Variants in AGO3 observed in about 807,000 individuals in gnomAD.
AGO3 encodes the protein protein argonaute-3.
Under a neutral mutation model 105.5 loss-of-function variants are expected in AGO3, and 16 were observed. That is an observed-to-expected ratio of 0.15 (90% CI 0.10 to 0.23). AGO3 has a LOEUF of 0.23. Among genes scored for constraint, AGO3 ranks in the 10% least tolerant of loss-of-function variants. The pLI, the probability that AGO3 is intolerant of heterozygous loss-of-function variation, is 1.00. For synonymous variants in AGO3, 340 were observed against 367.3 expected (o/e 0.93, Z 0.85); for missense variants, 534 against 1,088.0 (o/e 0.49, Z 7.16).
Position 35,972,124 on chromosome 1 carries a change from A to T in AGO3, c.413A>T (p.Glu138Val). 6.2e-7 allele frequency: 1 copy of T among 1,614,146 alleles called. No homozygotes were observed. Among genetic ancestry groups the T allele is most frequent in the Non-Finnish European group, 8.5e-7 (1 of 1,180,010 alleles). The change falls in exon 4 of 19, where the codon GAA becomes GTA. Residue 138 changes from glutamate to valine, a missense_variant. Around this residue, in one of 2 missense-constraint regions of AGO3, gnomAD observed 161 missense variants for 234.0 expected, o/e 0.69. Transcript: ENST00000373191. ...CGGGTGAGTTGGCACCTACTGCATG[A>T]AGTACTGACAGGACGGACCTTGCCT... ...VSRVSWHLLH[E>V]VLTGRTLPEP...
At chr1:35,963,540 G>A (rs1038467543) in intron 2 of AGO3, among the ~76,000 whole-genome samples, 3 of 151,926 alleles carry the variant, frequency 2.0e-5, no homozygotes, top group African/African-American at 7.3e-5. Flanking sequence ...AAGAAAATCA[G>A]TTAGAAGAGG....
At chr1:36,044,107 G>C (rs1642361548) in intron 17 of AGO3, among the ~76,000 whole-genome samples, 1 of 152,212 alleles carries the variant, frequency 6.6e-6, no homozygotes, top group Admixed American at 6.5e-5. Flanking sequence ...CACTTTGGGA[G>C]GCTGAGATGG....
At chr1:36,013,549 A>G (rs1330170239) in intron 9 of AGO3, 81 bp from the exon 10 acceptor site, 15 of 1,541,726 alleles carry the variant, frequency 9.7e-6, no homozygotes, top group African/African-American at 4.1e-5. Flanking sequence ...CACAGTGAAG[A>G]AAAAAAAGAG....
chr1:36,013,595 T>A (rs1309852348), intron 9 of AGO3, 35 bp from the exon 10 acceptor site: 1 of 1,610,320 alleles, frequency 6.2e-7, no homozygotes, highest in Non-Finnish European at 8.5e-7. Flanking sequence ...TTTGGGGGAA[T>A]TTTGAGAGTA....
chr1:35,996,430 A>G (rs529609065), intron 5 of AGO3, among the ~76,000 whole-genome samples: 5 of 152,142 alleles, frequency 3.3e-5, no homozygotes, highest in African/African-American at 4.8e-5. Context: ...TACATAACTC[A>G]GTAAGAAATA....
chr1:36,001,335 G>A (rs1348378067), intron 5 of AGO3, among the ~76,000 whole-genome samples: 1 of 152,036 alleles, frequency 6.6e-6, no homozygotes, highest in East Asian at 1.9e-4. Flanking sequence ...ACACACACGT[G>A]CACAGGAACA....
intron 5 of AGO3, among the ~76,000 whole-genome samples, chr1:35,996,733 T>C (rs1285688785): frequency 1.3e-5 from 2 of 149,390 alleles, no homozygotes; most frequent in African/African-American, 5.0e-5. Flanking sequence ...ATTGCACCGT[T>C]GCACTCCAGC....
In AGO3 at chr1:35,945,775, A is replaced by G. The variant is rs1646353700; in HGVS notation, c.103A>G (p.Asn35Asp). 1 of 1,613,630 alleles carries G rather than the reference A, an allele frequency of 6.2e-7. No individual in the cohort carries two copies. Residue 35 changes from asparagine to aspartate, a missense_variant, in exon 2 of 19, where the codon AAC (asparagine) becomes GAC (aspartate). Asn to Asp is a conservative substitution (Grantham distance 23). Transcript: ENST00000373191. ...TMGKPIKLLA[N>D]CFQVEIPKID... ...GGGCAAACCCATTAAACTGCTGGCT[A>G]ACTGTTTTCAAGTTGAAATCCCAAA... is the stretch of plus-strand genomic sequence containing the variant.
At chr1:35,931,870 T>G (rs1646056248) in intron 1 of AGO3, among the ~76,000 whole-genome samples, 1 of 152,196 alleles carries the variant, frequency 6.6e-6, no homozygotes, top group Non-Finnish European at 1.5e-5. Context: ...ACGGATAACT[T>G]CAGATTAAGT....
chr1:36,047,273 A>G (rs941552396), intron 17 of AGO3, among the ~76,000 whole-genome samples: 6 of 152,100 alleles, frequency 3.9e-5, no homozygotes, highest in African/African-American at 1.4e-4. Flanking sequence ...AATTCACAAT[A>G]TGAACAAGAA....
chr1:35,978,812 G>A (rs1469163906), intron 5 of AGO3, among the ~76,000 whole-genome samples: 3 of 152,046 alleles, frequency 2.0e-5, no homozygotes, highest in Admixed American at 2.0e-4. Context: ...CTTTCATTTT[G>A]TTGGTGGAAA....
In AGO3 at chr1:36,054,959, C is replaced by G. The variant is rs1198571442; in HGVS notation, c.2288C>G (p.Pro763Arg). 1 of 1,614,064 alleles carries G rather than the reference C, an allele frequency of 6.2e-7. No individual in the cohort carries two copies. Among genetic ancestry groups the G allele is most frequent in the Non-Finnish European group, 8.5e-7 (1 of 1,179,940 alleles). ...CCTTCTCTATAGGGTACCAGTCGTC[C>G]TTCACACTATCATGTTTTATGGGAT... ...SHAGIQGTSRPSHYHVLWDDN... is the reference protein window; with the variant it reads ...SHAGIQGTSRRSHYHVLWDDN... The change falls in exon 18 of 19, where the codon CCT (proline) becomes CGT (arginine). Residue 763 changes from proline to arginine, a missense_variant. Physicochemically the swap from Pro to Arg is moderately radical, Grantham distance 103 (BLOSUM62 -2). This residue lies in a region of AGO3 where 373 missense variants were observed against 854.0 expected (regional missense o/e 0.44). Coordinates refer to ENST00000373191, the MANE Select transcript of AGO3 (RefSeq NM_024852.4).
In AGO3 at chr1:35,967,057, TC is replaced by T; in HGVS notation, c.296del (p.Pro99LeufsTer7). 6.2e-7 allele frequency: 1 copy of T among 1,613,398 alleles called. No homozygotes were observed. Among genetic ancestry groups the T allele is most frequent in the Non-Finnish European group, 8.5e-7 (1 of 1,179,762 alleles). ...KRSLYTANPL[P>X]VATTGVDLDV... is the part of the protein sequence containing the mutation. ...GAAGTCTTTACACCGCCAATCCACT[TC>T]CTGTGGCAACTACAGGGGTAAGATA... On this transcript the variant is annotated frameshift_variant, in exon 3 of 19. Coordinates refer to ENST00000373191, the MANE Select transcript of AGO3 (RefSeq NM_024852.4). LOFTEE classifies it high-confidence loss of function.
Position 35,936,283 on chromosome 1 carries a change from C to A in AGO3, c.19+4838C>A, listed in dbSNP as rs1230827511. On this transcript the variant is annotated intron_variant, in intron 1 of 18. Transcript: ENST00000373191. The stretch of plus-strand genomic sequence containing the variant: ...AAAAAAAAAACCAACTATTGAGATT[C>A]AGCAAAACCTTGTCACACAACTGAT... Among the ~76,000 whole-genome samples the A allele has an allele frequency of 2.0e-5, 3 of 151,008 alleles. No homozygotes were observed. The East Asian group carries it at 5.8e-4, about 29-fold the overall frequency.
At chr1:35,944,682 T>A (rs1320506405) in intron 1 of AGO3, among the ~76,000 whole-genome samples, 3 of 151,696 alleles carry the variant, frequency 2.0e-5, no homozygotes, top group South Asian at 4.2e-4. Context: ...TGTATTTTTT[T>A]AAATAGAGAC....
chr1:35,943,601 CT>C (rs59873910), intron 1 of AGO3, among the ~76,000 whole-genome samples: 4,526 of 123,372 alleles, frequency 0.037, 210 homozygotes, highest in African/African-American at 0.11. Flanking sequence ...ACCCCCAGCC[CT>C]TTTTTTTTTT....
intron 12 of AGO3, among the ~76,000 whole-genome samples, chr1:36,030,519 AAGAG>A (rs1553169229): frequency 2.0e-4 from 31 of 151,898 alleles, no homozygotes; most frequent in South Asian, 4.1e-4. Flanking sequence ...AAAAAAAAAA[AAGAG>A]AGAAGAAAAG....
At chr1:36,021,073 C>T (rs1557692021) in intron 11 of AGO3, among the ~76,000 whole-genome samples, 3 of 152,080 alleles carry the variant, frequency 2.0e-5, no homozygotes, top group Admixed American at 2.0e-4. Flanking sequence ...GCTGGTATTA[C>T]AGGTGTGTGC....
chr1:36,062,076 T>G lies in AGO3; in HGVS notation c.*6331T>G, dbSNP rs751174431. ...ATAAAACAGCAAACCTACTTAACTTTTTAACAAGATTATGGGTATAGTACC... is the reference window on the plus strand; with the variant it reads ...ATAAAACAGCAAACCTACTTAACTTGTTAACAAGATTATGGGTATAGTACC... On this transcript the variant is annotated 3_prime_UTR_variant, in exon 19 of 19. Transcript: ENST00000373191. 5.3e-5 allele frequency: 8 copies of G among 152,198 alleles called. No homozygotes were observed. The highest frequency in any genetic ancestry group is 1.2e-4 in the Non-Finnish European group (8 of 68,036). 9.4% of individuals were successfully genotyped at this position (152,198 alleles called of 1,614,324 possible).
Sources: gnomAD v4.1 joint callset for allele counts (sites outside exome capture counted in the v4.1 genomes callset) on GRCh38, gnomAD v4.1.1 for gene constraint, gnomAD v4.1.1 regional missense constraint, MANE v1.5 for transcripts, NCBI Gene and HGNC (gene_info 2026-07-23, HGNC 2026-07-21) for gene names.